Variants in ATF2 observed in about 807,000 individuals in gnomAD.
The protein encoded by ATF2 is cyclic AMP-dependent transcription factor ATF-2.
Under a neutral mutation model 60.6 loss-of-function variants are expected in ATF2, and 24 were observed. The ratio of observed to expected loss-of-function variants is 0.40; its 90% CI spans 0.29 to 0.56. The LOEUF (loss-of-function observed/expected upper bound fraction) is 0.56. Among genes scored for constraint, ATF2 ranks in the 20% least tolerant of loss-of-function variants. The probability of loss-of-function intolerance (pLI) is 0.54; values close to 1 mark genes in which losing one functional copy is unlikely to be tolerated. For synonymous variants in ATF2, 206 were observed against 215.4 expected (o/e 0.96, Z 0.38); for missense variants, 433 against 607.7 (o/e 0.71, Z 3.02).
At chr2:175,118,963 G>A (rs1696767509) in intron 5 of ATF2, among the ~76,000 whole-genome samples, 3 of 151,586 alleles carry the variant, frequency 2.0e-5, no homozygotes, top group Admixed American at 2.0e-4. Flanking sequence ...CATTTTACAA[G>A]CTAGGTACAA....
chr2:175,160,857 G>A (rs949458589), intron 1 of ATF2, among the ~76,000 whole-genome samples: 12 of 152,092 alleles, frequency 7.9e-5, no homozygotes, highest in Middle Eastern at 3.4e-3. Context: ...CCTGGGCAAC[G>A]GCAAGACCCC....
In ATF2 at chr2:175,143,146, G is replaced by A. The variant is rs35328797; in HGVS notation, c.-43-6660C>T. Among the ~76,000 whole-genome samples, 198 of 151,986 alleles carry A rather than the reference G, an allele frequency of 1.3e-3. 2 individuals carry two copies. The highest frequency in any genetic ancestry group is 0.011 in the South Asian group (52 of 4,812). The stretch of plus-strand genomic sequence containing the variant: ...TCTGCTCCAAGAATAATACAGAAGG[G>A]CAAAAAGAAAATAAAAGTTACCTTG... On this transcript the variant is annotated intron_variant, in intron 2 of 13. Coordinates refer to ENST00000264110, the MANE Select transcript of ATF2 (RefSeq NM_001880.4).
intron 3 of ATF2, among the ~76,000 whole-genome samples, chr2:175,133,274 C>T (rs1697874865): frequency 6.6e-6 from 1 of 152,068 alleles, no homozygotes; most frequent in Admixed American, 6.6e-5. Flanking sequence ...ATAATTAAGA[C>T]ACTGTGGTAT....
In ATF2 at chr2:175,097,486, C is replaced by T. The variant is rs375064640; in HGVS notation, c.936G>A (p.Pro312=). 61 of 1,614,082 alleles carry T rather than the reference C, an allele frequency of 3.8e-5. No homozygotes were observed. Among genetic ancestry groups the T allele is most frequent in the South Asian group, 1.9e-4 (17 of 91,084 alleles). The change falls in exon 11 of 14, where the codon CCG becomes CCA. Residue 312 remains proline, a synonymous_variant. Coordinates refer to ENST00000264110, the MANE Select transcript of ATF2 (RefSeq NM_001880.4). ...ATGTGGCTGGCTGTTGTAATGACTG[C>T]GGTCGAGATTCCTCTGACTGAGTCC... ...LVRTQSEESR[P]QSLQQPATST... is the part of the protein sequence containing the mutation.
intron 4 of ATF2, among the ~76,000 whole-genome samples, chr2:175,129,412 T>C (rs1040424338): frequency 7.9e-5 from 12 of 152,094 alleles, no homozygotes; most frequent in Admixed American, 2.0e-4. Flanking sequence ...TTAAAACTTA[T>C]CAAATGGTAC....
At chr2:175,074,946 T>G in intron 13 of ATF2, 111 bp from the exon 14 acceptor site, 3 of 1,534,038 alleles carry the variant, frequency 2.0e-6, no homozygotes, top group Non-Finnish European at 2.6e-6. Context: ...CAAAACTGAT[T>G]AGACAAGTTG....
At chr2:175,140,635 A>G (rs1323404426) in intron 2 of ATF2, among the ~76,000 whole-genome samples, 3 of 152,048 alleles carry the variant, frequency 2.0e-5, no homozygotes, top group East Asian at 3.9e-4. Context: ...ATAATTTATT[A>G]TAAGTCAATT....
intron 13 of ATF2, 75 bp downstream of exon 13, chr2:175,080,585 A>G: frequency 9.1e-7 from 1 of 1,093,356 alleles, no homozygotes; most frequent in Non-Finnish European, 1.3e-6. Context: ...TCCATTTTTA[A>G]AGTAGCAGCT....
rs1418245179 is a variant in ATF2, at chr2:175,107,576, T to TCC, written c.828+3990_828+3991dup. 1.4e-3 allele frequency among the ~76,000 whole-genome samples: 208 copies of TCC among 152,112 alleles called. 2 individuals are homozygous for TCC. Among genetic ancestry groups the TCC allele is most frequent in the Admixed American group, 0.014 (208 of 15,274 alleles). On this transcript the variant is annotated intron_variant, in intron 10 of 13. Transcript: ENST00000264110. ...TCTCCCTCTCCCTCTCCCCATGGTC[T>TCC]CCCTCTCCCTCTCTTTCCACGGTCT...
At chr2:175,085,046 T>C (rs185046986) in intron 12 of ATF2, among the ~76,000 whole-genome samples, 82 of 152,350 alleles carry the variant, frequency 5.4e-4, no homozygotes, top group African/African-American at 1.9e-3. Flanking sequence ...ACAGCTACAC[T>C]GTTAATTTTC....
chr2:175,094,913 G>A (rs182735525), intron 11 of ATF2, among the ~76,000 whole-genome samples: 2 of 152,020 alleles, frequency 1.3e-5, no homozygotes, highest in East Asian at 1.9e-4. Context: ...ACTGTACTCC[G>A]CATGGGCAAC....
intron 2 of ATF2, among the ~76,000 whole-genome samples, chr2:175,138,799 C>T (rs1698304576): frequency 6.6e-6 from 1 of 152,200 alleles, no homozygotes; most frequent in African/African-American, 2.4e-5. Context: ...CTTACAGCAA[C>T]CACATTGTGT....
At position 175,102,832 on chromosome 2, in the gene ATF2, TAATTTA is replaced by T. The variant is rs537121788; in HGVS notation, c.829-5245_829-5240del. Among the ~76,000 whole-genome samples the T allele has an allele frequency of 1.9e-3, 292 of 152,298 alleles. 1 individual carries two copies. The highest frequency in any genetic ancestry group is 6.8e-3 in the African/African-American group (283 of 41,554). ...GTACAAGAAAACTTAGGCATAATTT[TAATTTA>T]AAGTAAAGGTAGACTTTGTTTGATA... On this transcript the variant is annotated intron_variant, in intron 10 of 13. Coordinates refer to ENST00000264110, the MANE Select transcript of ATF2 (RefSeq NM_001880.4).
chr2:175,141,376 C>T (rs1435584164), intron 2 of ATF2, among the ~76,000 whole-genome samples: 1 of 151,960 alleles, frequency 6.6e-6, no homozygotes, highest in African/African-American at 2.4e-5. Flanking sequence ...TAATAAAGTG[C>T]CCCCGGCACT....
intron 9 of ATF2, among the ~76,000 whole-genome samples, chr2:175,113,049 A>AAT (rs2307610): frequency 0.26 from 39,704 of 152,010 alleles, 6,134 homozygotes; most frequent in African/African-American, 0.44. Flanking sequence ...TTCATAAAGT[A>AAT]ATATCGTAAA....
At chr2:175,146,002 C>T (rs1249684137) in intron 2 of ATF2, among the ~76,000 whole-genome samples, 1 of 152,098 alleles carries the variant, frequency 6.6e-6, no homozygotes, top group African/African-American at 2.4e-5. Flanking sequence ...AGCACAAAAG[C>T]CTGGCAAACA....
intron 12 of ATF2, chr2:175,092,643 A>AT (rs1175590215): frequency 2.3e-6 from 1 of 439,024 alleles, no homozygotes; most frequent in Non-Finnish European, 4.6e-6. Context: ...ACAGAACAAA[A>AT]TTTATAATTC....
chr2:175,162,327 C>A (rs1250012262), intron 1 of ATF2, among the ~76,000 whole-genome samples: 1 of 152,144 alleles, frequency 6.6e-6, no homozygotes, highest in Non-Finnish European at 1.5e-5. Flanking sequence ...AGAAATAATT[C>A]CCAATTAGGT....
At position 175,149,087 on chromosome 2, in the gene ATF2, TAGA is replaced by T. The variant is rs540442468; in HGVS notation, c.-44+1970_-44+1972del. 5.1e-4 allele frequency among the ~76,000 whole-genome samples: 78 copies of T among 152,312 alleles called. 2 individuals carry two copies. In the South Asian group the frequency reaches 0.016, roughly 31 times the overall value. On this transcript the variant is annotated intron_variant, in intron 2 of 13. Coordinates refer to ENST00000264110, the MANE Select transcript of ATF2 (RefSeq NM_001880.4). Reference sequence around the variant, plus strand: ...AGTTTCACTCTTCTCATCAACAGGATAGAAGATTAAGACAGTAAGACCAGAGAG... The same window carrying T: ...AGTTTCACTCTTCTCATCAACAGGATAGATTAAGACAGTAAGACCAGAGAG...
Sources: gnomAD v4.1 joint callset for allele counts (sites outside exome capture counted in the v4.1 genomes callset) on GRCh38, gnomAD v4.1.1 for gene constraint, MANE v1.5 for transcripts, NCBI Gene and HGNC (gene_info 2026-07-23, HGNC 2026-07-21) for gene names.